The following ATE1 variants were observed in gnomAD, a reference collection of about 807,000 sequenced individuals.
The protein encoded by ATE1 is arginyl-tRNA--protein transferase 1.
In ATE1, 36 loss-of-function variants were observed where a neutral mutation model predicts 70.5. The ratio of observed to expected loss-of-function variants is 0.51; its 90% confidence interval spans 0.39 to 0.67. ATE1 has a LOEUF of 0.67. Ranked by LOEUF, ATE1 falls within the 30% of genes least tolerant of loss-of-function variation. ATE1 has a pLI of 0.00. For synonymous variants in ATE1, 232 were observed against 219.3 expected, an observed-to-expected ratio of 1.06 and a Z score of -0.51; for missense variants, 593 against 629.5, an observed-to-expected ratio of 0.94 and a Z score of 0.62.
At chr10:121,898,890 T>C (rs749329104) in intron 7 of ATE1, 1 of 1,613,904 alleles carries the variant, frequency 6.2e-7, no homozygotes, top group African/African-American at 1.3e-5. Flanking sequence ...GGCCACTTGA[T>C]ACTTGACATA....
chr10:121,863,235 C>A (rs546190059), intron 8 of ATE1, among the ~76,000 whole-genome samples: 11 of 147,638 alleles, frequency 7.5e-5, no homozygotes, highest in Admixed American at 2.0e-4. Flanking sequence ...TTTCTTCCAA[C>A]TTTGCCCTGA....
intron 7 of ATE1, among the ~76,000 whole-genome samples, chr10:121,889,076 C>T (rs4752616): frequency 0.44 from 66,133 of 151,742 alleles, 15,495 homozygotes; most frequent in South Asian, 0.53. Flanking sequence ...TTCAGTGGCA[C>T]CATCTCAGCT....
chr10:121,767,477 T>C (rs557489002), intron 11 of ATE1, among the ~76,000 whole-genome samples: 66 of 125,314 alleles, frequency 5.3e-4, no homozygotes, highest in African/African-American at 2.0e-3. Context: ...GACATGATAT[T>C]CTATGTAGAA....
chr10:121,882,702 G>T (rs918506710), intron 7 of ATE1, among the ~76,000 whole-genome samples: 2 of 152,180 alleles, frequency 1.3e-5, no homozygotes, highest in Non-Finnish European at 2.9e-5. Context: ...CTGTTTGGCA[G>T]TACTGATATC....
At chr10:121,788,096 T>A (rs1252371356) in intron 11 of ATE1, among the ~76,000 whole-genome samples, 4 of 152,202 alleles carry the variant, frequency 2.6e-5, no homozygotes, top group Non-Finnish European at 1.5e-5. Context: ...TCATAGGGAC[T>A]AGACTGACTG....
intron 9 of ATE1, among the ~76,000 whole-genome samples, chr10:121,838,889 A>C (rs1948528005): frequency 6.6e-6 from 1 of 152,230 alleles, no homozygotes. Context: ...TACAGGCTAC[A>C]TTATATAAAT....
intron 7 of ATE1, among the ~76,000 whole-genome samples, chr10:121,871,287 C>T (rs562555930): frequency 1.0e-3 from 158 of 152,070 alleles, no homozygotes; most frequent in African/African-American, 3.6e-3. Context: ...GGTGAAACCC[C>T]GTCTCTAATA....
At chr10:121,758,080 C>T in intron 11 of ATE1, among the ~76,000 whole-genome samples, 1 of 152,054 alleles carries the variant, frequency 6.6e-6, no homozygotes, top group Non-Finnish European at 1.5e-5. Context: ...AGGATAGAGT[C>T]CTGAGACAAG....
At chr10:121,859,401 C>A (rs1014562298) in intron 8 of ATE1, among the ~76,000 whole-genome samples, 3 of 151,300 alleles carry the variant, frequency 2.0e-5, no homozygotes, top group African/African-American at 7.3e-5. Context: ...GGACTACAGG[C>A]GCCCACCACT....
At position 121,815,187 on chromosome 10, in the gene ATE1, C is replaced by A. The variant is rs186384304; in HGVS notation, c.1257+21531G>T. Among the ~76,000 whole-genome samples the A allele has an allele frequency of 7.3e-4, 111 of 152,352 alleles. 1 individual carries two copies. In the East Asian group the frequency reaches 0.02, roughly 27 times the overall value. ...GAGTCTCGCTGTCGCCCAGGCTGGA[C>A]TGCAGTGGCGCAATCTCGGCTCACT... On this transcript the variant is annotated intron_variant, in intron 10 of 11. Coordinates refer to ENST00000224652, the MANE Select transcript of ATE1 (RefSeq NM_001001976.3).
chr10:121,837,102 A>G (rs1178530942), intron 9 of ATE1, among the ~76,000 whole-genome samples: 1 of 152,258 alleles, frequency 6.6e-6, no homozygotes, highest in Non-Finnish European at 1.5e-5. Flanking sequence ...AAAGAGATCT[A>G]CAGTGTCCTG....
intron 7 of ATE1, among the ~76,000 whole-genome samples, chr10:121,892,331 A>C (rs763043188): frequency 2.2e-4 from 34 of 152,058 alleles, no homozygotes; most frequent in Non-Finnish European, 4.0e-4. Flanking sequence ...ATGAGCCCCA[A>C]ATTTAATTAT....
At chr10:121,786,249 G>T (rs1946206903) in intron 11 of ATE1, among the ~76,000 whole-genome samples, 1 of 94,308 alleles carries the variant, frequency 1.1e-5, no homozygotes, top group Admixed American at 1.7e-4. Context: ...CTGGAACCAA[G>T]GATTTTAATA....
At chr10:121,796,610 A>T (rs1946667995) in intron 10 of ATE1, among the ~76,000 whole-genome samples, 1 of 152,200 alleles carries the variant, frequency 6.6e-6, no homozygotes, top group South Asian at 2.1e-4. Flanking sequence ...TTTGATGAAA[A>T]CCACTTAGAC....
chr10:121,759,162 T>C (rs1459347671), intron 11 of ATE1, among the ~76,000 whole-genome samples: 2 of 152,182 alleles, frequency 1.3e-5, no homozygotes, highest in African/African-American at 2.4e-5. Flanking sequence ...AGAAAAGTTC[T>C]TCACAGAAAT....
intron 11 of ATE1, among the ~76,000 whole-genome samples, chr10:121,774,641 C>G (rs1156996381): frequency 6.6e-6 from 1 of 152,188 alleles, no homozygotes; most frequent in Non-Finnish European, 1.5e-5. Flanking sequence ...GCAATCATCA[C>G]ACTTCACAAC....
At chr10:121,769,281 TA>T (rs1945404050) in intron 11 of ATE1, among the ~76,000 whole-genome samples, 2 of 152,186 alleles carry the variant, frequency 1.3e-5, no homozygotes, top group Non-Finnish European at 1.5e-5. Flanking sequence ...GTTGCAAAAG[TA>T]ATTCATGAAG....
chr10:121,891,902 G>A (rs1950591315), intron 7 of ATE1, among the ~76,000 whole-genome samples: 1 of 152,152 alleles, frequency 6.6e-6, no homozygotes, highest in African/African-American at 2.4e-5. Flanking sequence ...ACCACAGTGT[G>A]ATACTGTACA....
chr10:121,812,930 A>G (rs912960605), intron 10 of ATE1, among the ~76,000 whole-genome samples: 3 of 152,230 alleles, frequency 2.0e-5, no homozygotes, highest in African/African-American at 7.2e-5. Context: ...CAGCTGAGAC[A>G]TCCTCTGTTT....
Sources: allele counts gnomAD v4.1 joint callset (sites outside exome capture counted in the v4.1 genomes callset), GRCh38; gene constraint gnomAD v4.1.1; transcripts MANE v1.5; gene names NCBI Gene and HGNC (gene_info 2026-07-23, HGNC 2026-07-21).